Variants in SVIL observed in about 807,000 individuals in gnomAD.
The protein encoded by SVIL is archvillin.
SVIL carries 101 observed loss-of-function variants against 240.4 expected under a neutral mutation model. The observed-to-expected ratio is 0.42, with a 90% CI of 0.36 to 0.50. SVIL has a LOEUF of 0.50. Among genes scored for constraint, SVIL ranks in the 20% least tolerant of loss-of-function variants. The probability of loss-of-function intolerance (pLI) is 0.01; values close to 1 mark genes in which losing one functional copy is unlikely to be tolerated. For missense variants in SVIL, 2,512 were observed against 2,818.7 expected (o/e 0.89, Z 2.46); for synonymous variants, 999 against 1,100.0 (o/e 0.91, Z 1.82).
chr10:29,487,769 G>C (rs3818542), intron 23 of SVIL: 71,868 of 152,164 alleles, frequency 0.47, 17,166 homozygotes, highest in East Asian at 0.57. Flanking sequence ...AAGGATGGAG[G>C]CGCCACCTTC....
intron 1 of SVIL, among the ~76,000 whole-genome samples, chr10:29,721,387 G>A (rs1027585358): frequency 1.5e-4 from 23 of 151,926 alleles, no homozygotes; most frequent in African/African-American, 4.8e-4. Flanking sequence ...TACATTAAAC[G>A]TAAGTAATCT....
intron 1 of SVIL, among the ~76,000 whole-genome samples, chr10:29,576,687 G>C (rs112416396): frequency 3.1e-4 from 47 of 152,272 alleles, no homozygotes; most frequent in African/African-American, 1.1e-3. Context: ...CAGAACTACA[G>C]GCATGTGCCA....
At chr10:29,673,227 C>T (rs1959926066) in intron 2 of SVIL, among the ~76,000 whole-genome samples, 1 of 150,586 alleles carries the variant, frequency 6.6e-6, no homozygotes, top group Non-Finnish European at 1.5e-5. Flanking sequence ...GCAAAGATTT[C>T]TTTAGAGAAT....
intron 1 of SVIL, among the ~76,000 whole-genome samples, chr10:29,722,503 A>G (rs917552895): frequency 2.0e-5 from 3 of 152,218 alleles, no homozygotes; most frequent in African/African-American, 7.2e-5. Context: ...AAAAAGAACG[A>G]AAGAAAGAAA....
intron 2 of SVIL, among the ~76,000 whole-genome samples, chr10:29,679,714 C>A (rs1297107898): frequency 6.6e-6 from 1 of 151,706 alleles, no homozygotes; most frequent in African/African-American, 2.4e-5. Context: ...CACCACCATG[C>A]CCCGCCAAGC....
rs553879020 is a variant in SVIL, at chr10:29,471,120, G to A, written c.5635+18C>T. On this transcript the variant is annotated intron_variant, in intron 31 of 37. Coordinates refer to ENST00000355867, the MANE Select transcript of SVIL (RefSeq NM_021738.3). ...GAGGGAAAGGCAAAGTCGAATTCCA[G>A]CAGTAAAAGTGACTTACTTTGCACA... The A allele has an allele frequency of 6.9e-6, 11 of 1,604,320 alleles. No homozygotes were observed. Among genetic ancestry groups the A allele is most frequent in the Non-Finnish European group, 6.8e-6 (8 of 1,173,492 alleles).
chr10:29,597,692 G>C (rs1261832112), intron 1 of SVIL, among the ~76,000 whole-genome samples: 1 of 152,006 alleles, frequency 6.6e-6, no homozygotes, highest in Non-Finnish European at 1.5e-5. Flanking sequence ...GAACCACCAC[G>C]CCAGGCCTAA....
intron 22 of SVIL, among the ~76,000 whole-genome samples, chr10:29,489,364 C>A (rs1465723648): frequency 6.6e-6 from 1 of 152,136 alleles, no homozygotes; most frequent in Admixed American, 6.5e-5. Flanking sequence ...AACCCCTGAG[C>A]CCCCAAAAGT....
intron 1 of SVIL, among the ~76,000 whole-genome samples, chr10:29,607,222 A>G (rs372202324): frequency 4.6e-5 from 7 of 152,174 alleles, no homozygotes; most frequent in Admixed American, 2.6e-4. Context: ...GTATTCTCAT[A>G]TATATCTGGG....
chr10:29,499,502 T>C (rs141371449), intron 17 of SVIL, among the ~76,000 whole-genome samples: 5,748 of 152,118 alleles, frequency 0.038, 376 homozygotes, highest in African/African-American at 0.13. Flanking sequence ...TGTGACTTAC[T>C]GGTTTGGGGC....
Position 29,523,835 on chromosome 10 carries a change from T to C in SVIL, c.2779A>G (p.Lys927Glu). The change falls in exon 15 of 38, where the codon AAA (lysine) becomes GAA (glutamate). Residue 927 changes from lysine (K) to glutamate (E), a missense_variant. By Grantham distance (56) the Lys-to-Glu change is moderately conservative. This residue lies in a region of SVIL where 1,443 missense variants were observed against 1,486.6 expected (regional missense o/e 0.97). Coordinates refer to ENST00000355867, the MANE Select transcript of SVIL (RefSeq NM_021738.3). ...ACCAAAGGCTGCCAAGCTTGCGATT[T>C]CAGAATGCTTCTAACTGGAGAGTCC... ...NSDSPVRSIL[K>E]SQAWQPLVEG... 1.2e-6 allele frequency: 2 copies of C among 1,614,232 alleles called. No homozygotes were observed. Among genetic ancestry groups the C allele is most frequent in the Non-Finnish European group, 1.7e-6 (2 of 1,180,026 alleles).
intron 6 of SVIL, among the ~76,000 whole-genome samples, chr10:29,537,770 G>A (rs1469211171): frequency 6.6e-6 from 1 of 152,190 alleles, no homozygotes; most frequent in African/African-American, 2.4e-5. Flanking sequence ...CACCGCTATT[G>A]TACGTCTTGC....
At chr10:29,542,636 G>A (rs976963177) in intron 6 of SVIL, among the ~76,000 whole-genome samples, 9 of 152,092 alleles carry the variant, frequency 5.9e-5, no homozygotes, top group Non-Finnish European at 1.2e-4. Flanking sequence ...GGAGAATGGG[G>A]TATCCATCCC....
intron 1 of SVIL, among the ~76,000 whole-genome samples, chr10:29,700,660 C>T (rs965312586): frequency 4.0e-5 from 6 of 151,880 alleles, no homozygotes; most frequent in East Asian, 1.9e-4. Context: ...TTAGTAGAGA[C>T]GGGGTTTCAC....
At chr10:29,676,286 G>A (rs183500553) in intron 2 of SVIL, among the ~76,000 whole-genome samples, 6 of 152,186 alleles carry the variant, frequency 3.9e-5, no homozygotes, top group South Asian at 2.1e-4. Context: ...GATCAAGACC[G>A]AACCACTGGT....
intron 1 of SVIL, among the ~76,000 whole-genome samples, chr10:29,631,649 C>T (rs958231166): frequency 3.3e-5 from 5 of 152,194 alleles, no homozygotes; most frequent in Non-Finnish European, 4.4e-5. Flanking sequence ...GTGGCGGACA[C>T]CTGTAATCCC....
intron 1 of SVIL, chr10:29,576,243 T>G: frequency 2.6e-6 from 1 of 386,050 alleles, no homozygotes; most frequent in East Asian, 1.6e-4. Flanking sequence ...ATTACCCTTG[T>G]GCACTCTTCT....
At chr10:29,530,805 C>T in intron 10 of SVIL, 137 bp from the exon 11 acceptor site, 3 of 952,860 alleles carry the variant, frequency 3.1e-6, no homozygotes, top group Non-Finnish European at 4.8e-6. Context: ...GTGGTAGTTT[C>T]CCCTTGCAGG....
At chr10:29,588,724 G>T (rs1956268447) in intron 1 of SVIL, among the ~76,000 whole-genome samples, 1 of 152,166 alleles carries the variant, frequency 6.6e-6, no homozygotes, top group Non-Finnish European at 1.5e-5. Flanking sequence ...CCTGCCTTTT[G>T]TCCCCAGAAA....
Sources: gnomAD v4.1 joint callset for allele counts (sites outside exome capture counted in the v4.1 genomes callset) on GRCh38, gnomAD v4.1.1 for gene constraint, gnomAD v4.1.1 regional missense constraint, MANE v1.5 for transcripts, NCBI Gene and HGNC (gene_info 2026-07-23, HGNC 2026-07-21) for gene names.